The following CACNA2D1 variants were observed in gnomAD, a reference collection of about 807,000 sequenced individuals.
The protein encoded by CACNA2D1 is calcium voltage-gated channel auxiliary subunit alpha2delta 1.
CACNA2D1 carries 53 observed loss-of-function variants against 171.5 expected under a neutral mutation model. The ratio of observed to expected loss-of-function variants is 0.31; its 90% CI spans 0.25 to 0.39. The LOEUF is 0.39. Ranked by LOEUF, CACNA2D1 falls within the 10% of genes least tolerant of loss-of-function variation. The pLI is 1.00. For synonymous variants in CACNA2D1, 442 were observed against 443.1 expected (o/e 1.00, Z 0.03); for missense variants, 903 against 1,299.8 (o/e 0.69, Z 4.69).
intron 1 of CACNA2D1, among the ~76,000 whole-genome samples, chr7:82,369,942 T>C (rs1211609867): frequency 6.6e-6 from 1 of 152,118 alleles, no homozygotes. Context: ...AATTAACAGA[T>C]GATGGCAAAA....
intron 10 of CACNA2D1, among the ~76,000 whole-genome samples, chr7:82,048,072 T>C: frequency 6.6e-6 from 1 of 152,174 alleles, no homozygotes; most frequent in East Asian, 1.9e-4. Context: ...AAAGGATACA[T>C]CCGCCTTTTA....
chr7:82,432,741 G>C (rs1829799844), intron 1 of CACNA2D1, among the ~76,000 whole-genome samples: 1 of 152,224 alleles, frequency 6.6e-6, no homozygotes, highest in Non-Finnish European at 1.5e-5. Flanking sequence ...AGCACCAATA[G>C]AGTGGGGCAG....
chr7:81,971,472 C>T (rs37071), intron 26 of CACNA2D1, among the ~76,000 whole-genome samples: 107,760 of 150,614 alleles, frequency 0.72, 38,429 homozygotes, highest in Non-Finnish European at 0.74. Flanking sequence ...CTATTAGAAA[C>T]CCAAATAAAC....
chr7:81,987,158 C>T (rs965088135), intron 21 of CACNA2D1, among the ~76,000 whole-genome samples: 1 of 152,046 alleles, frequency 6.6e-6, no homozygotes, highest in East Asian at 1.9e-4. Flanking sequence ...AGCTACAGTC[C>T]GTTCTATAGA....
chr7:82,380,972 G>A (rs1332393158), intron 1 of CACNA2D1, among the ~76,000 whole-genome samples: 1 of 151,950 alleles, frequency 6.6e-6, no homozygotes, highest in Admixed American at 6.6e-5. Context: ...TGGGACTACA[G>A]GCATGAGCCA....
chr7:82,266,908 T>C (rs1430079623), intron 3 of CACNA2D1, among the ~76,000 whole-genome samples: 1 of 152,210 alleles, frequency 6.6e-6, no homozygotes, highest in Admixed American at 6.5e-5. Context: ...AAGCCGAATC[T>C]AAAAAGTATT....
intron 5 of CACNA2D1, among the ~76,000 whole-genome samples, chr7:82,117,604 G>A (rs897190641): frequency 2.6e-5 from 4 of 152,222 alleles, no homozygotes; most frequent in African/African-American, 7.2e-5. Flanking sequence ...CAGGCAACAC[G>A]GCAAACCCTT....
chr7:82,084,695 A>C (rs989057985), intron 7 of CACNA2D1, 74 bp downstream of exon 7: 3 of 1,492,512 alleles, frequency 2.0e-6, no homozygotes, highest in East Asian at 4.5e-5. Context: ...TTACAGTATC[A>C]GGGAAGATAA....
In CACNA2D1 at chr7:81,991,207, G is replaced by A. The variant is rs1201336704; in HGVS notation, c.1774C>T (p.Pro592Ser). The part of the protein sequence containing the change: ...DKGNRTYTWT[P>S]VNGTDYSLAL... ...TACCTGTAATCTGTGCCATTGACAG[G>A]TGTCCATGTGTATGTCCTGTTTCCT... The change falls in exon 21 of 39, where the codon CCT becomes TCT. Residue 592 changes from proline to serine, a missense_variant. By Grantham distance (74) the Pro-to-Ser change is moderately conservative. Transcript: ENST00000356860. The A allele has an allele frequency of 9.8e-6, 15 of 1,530,354 alleles. No individual in the cohort carries two copies. The highest frequency in any genetic ancestry group is 1.3e-5 in the Non-Finnish European group (14 of 1,104,058). The allele number at this position is 1,530,354 out of a possible 1,614,324, so 94.8% of individuals were successfully genotyped here. A position where few individuals can be genotyped will look rare whatever the true frequency, so the allele number is the denominator to read the frequency against.
At chr7:81,969,155 T>C (rs889981471) in intron 28 of CACNA2D1, among the ~76,000 whole-genome samples, 182 bp from the exon 29 acceptor site, 4 of 151,456 alleles carry the variant, frequency 2.6e-5, no homozygotes, top group East Asian at 3.9e-4. Context: ...AACTGGTATA[T>C]CCATGAATTG....
rs1478782676 is a variant in CACNA2D1, at chr7:82,332,557, AGAAAGAAAGAAC to A, written c.294+2566_294+2577del. Among the ~76,000 whole-genome samples the A allele has an allele frequency of 2.5e-3, 351 of 139,182 alleles. 6 individuals are homozygous for A. Among genetic ancestry groups the A allele is most frequent in the African/African-American group, 8.5e-3 (333 of 39,274 alleles). 91.3% of individuals were successfully genotyped at this position (139,182 alleles called of 152,430 possible). A position where few individuals can be genotyped will look rare whatever the true frequency, so the allele number is the denominator to read the frequency against. ...AAGAAAGAAAGAAAGAAAGAAAGAA[AGAAAGAAAGAAC>A]GAACAGAAAATTTTTGAGGGTCAAG... is the stretch of plus-strand genomic sequence containing the variant. On this transcript the variant is annotated intron_variant, in intron 3 of 38. Transcript: ENST00000356860.
At chr7:82,020,843 G>C (rs1801102559) in intron 12 of CACNA2D1, 1 of 152,118 alleles carries the variant, frequency 6.6e-6, no homozygotes, top group African/African-American at 2.4e-5. Context: ...GTGTCTGACG[G>C]AGAGAAGAAT....
intron 3 of CACNA2D1, among the ~76,000 whole-genome samples, chr7:82,324,549 C>A (rs2129441389): frequency 6.6e-6 from 1 of 152,164 alleles, no homozygotes; most frequent in African/African-American, 2.4e-5. Flanking sequence ...AAACACAGCA[C>A]TTAGTGTTTC....
intron 7 of CACNA2D1, among the ~76,000 whole-genome samples, chr7:82,072,769 T>C (rs1808479048): frequency 6.6e-6 from 1 of 152,046 alleles, no homozygotes; most frequent in Non-Finnish European, 1.5e-5. Context: ...ACTGGGTGCA[T>C]GAATTTGGAT....
chr7:82,066,611 A>T (rs538012219), intron 7 of CACNA2D1, 87 bp from the exon 8 acceptor site: 4 of 1,488,992 alleles, frequency 2.7e-6, no homozygotes, highest in Middle Eastern at 2.4e-4. Flanking sequence ...ACAAAAAGCA[A>T]TAGATACATA....
At chr7:82,352,916 G>C (rs1345369304) in intron 1 of CACNA2D1, among the ~76,000 whole-genome samples, 1 of 152,176 alleles carries the variant, frequency 6.6e-6, no homozygotes, top group African/African-American at 2.4e-5. Context: ...AGGAGTGATA[G>C]GGAAGAGTGA....
intron 1 of CACNA2D1, among the ~76,000 whole-genome samples, chr7:82,415,307 G>A (rs1454659819): frequency 2.0e-5 from 3 of 152,250 alleles, no homozygotes; most frequent in Non-Finnish European, 4.4e-5. Context: ...GCCGAGATGG[G>A]CGGATCACCT....
chr7:82,246,354 T>A (rs1323110505), intron 3 of CACNA2D1, among the ~76,000 whole-genome samples: 1 of 152,148 alleles, frequency 6.6e-6, no homozygotes, highest in Non-Finnish European at 1.5e-5. Context: ...AGAAAGTGAA[T>A]GTAGTTCATC....
chr7:82,047,110 CCACTGTG>C (rs888057198), intron 10 of CACNA2D1, among the ~76,000 whole-genome samples: 4 of 152,272 alleles, frequency 2.6e-5, no homozygotes, highest in Admixed American at 2.6e-4. Flanking sequence ...TCTTAACCAA[CCACTGTG>C]CACTCCTGAG....
Sources: allele counts gnomAD v4.1 joint callset (sites outside exome capture counted in the v4.1 genomes callset), GRCh38; gene constraint gnomAD v4.1.1; transcripts MANE v1.5; gene names NCBI Gene and HGNC (gene_info 2026-07-23, HGNC 2026-07-21).